Variants in QKI observed in about 807,000 individuals in gnomAD.
The protein encoded by QKI is KH domain-containing RNA-binding protein QKI.
In QKI, 10 loss-of-function variants were observed where a neutral mutation model predicts 39.0. That is an observed-to-expected ratio of 0.26 (90% CI 0.16 to 0.43). The LOEUF is 0.43. Ranked by LOEUF, QKI falls within the 20% of genes least tolerant of loss-of-function variation. QKI has a pLI of 1.00. For synonymous variants in QKI, 204 were observed against 155.4 expected (o/e 1.31, Z -2.33); for missense variants, 218 against 428.0 (o/e 0.51, Z 4.33).
At chr6:163,430,238 C>T (rs1002608868) in intron 1 of QKI, among the ~76,000 whole-genome samples, 7 of 152,104 alleles carry the variant, frequency 4.6e-5, no homozygotes, top group African/African-American at 9.7e-5. Flanking sequence ...TTTCTTATCT[C>T]TATCCTGTAC....
intron 7 of QKI, 53 bp downstream of exon 7, chr6:163,566,848 A>G: frequency 6.3e-7 from 1 of 1,596,002 alleles, no homozygotes; most frequent in Admixed American, 1.7e-5. Context: ...GGTGTCCATA[A>G]AATTTGCAAC....
chr6:163,567,383 T>G, intron 7 of QKI: 1 of 914,432 alleles, frequency 1.1e-6, no homozygotes, highest in Non-Finnish European at 1.3e-6. Context: ...TTATATAAAT[T>G]AGAGCGTCAA....
intron 3 of QKI, among the ~76,000 whole-genome samples, chr6:163,528,288 T>C (rs1323384319): frequency 6.6e-6 from 1 of 152,148 alleles, no homozygotes; most frequent in Non-Finnish European, 1.5e-5. Flanking sequence ...GGTAAAAAGG[T>C]AAAGTAAAAA....
chr6:163,507,131 A>G (rs1334794308), intron 3 of QKI, among the ~76,000 whole-genome samples: 2 of 152,202 alleles, frequency 1.3e-5, no homozygotes, highest in East Asian at 1.9e-4. Context: ...AATACAGCCT[A>G]AAAGTTATGC....
At chr6:163,489,079 A>G (rs1040685913) in intron 3 of QKI, among the ~76,000 whole-genome samples, 39 of 147,048 alleles carry the variant, frequency 2.7e-4, no homozygotes, top group African/African-American at 9.2e-4. Flanking sequence ...AGCACTTTTT[A>G]ATACCTTTAT....
rs1783817480 is a variant in QKI, at chr6:163,573,501, C to A, written c.*2791C>A. ...ACAAGTTTATAATGTATTTTTCTAT[C>A]TTGTTTTATATGTATGTTATATAAC... is the stretch of plus-strand genomic sequence containing the variant. On this transcript the variant is annotated 3_prime_UTR_variant, in exon 8 of 8. Coordinates refer to ENST00000361752, the MANE Select transcript of QKI (RefSeq NM_006775.3). The A allele has an allele frequency of 6.6e-6, 1 of 152,016 alleles. No homozygotes were observed. The highest frequency in any genetic ancestry group is 6.6e-5 in the Admixed American group (1 of 15,260). The allele number at this position is 152,016 out of a possible 1,614,324, so 9.4% of individuals were successfully genotyped here. A position where few individuals can be genotyped will look rare whatever the true frequency, so the allele number is the denominator to read the frequency against.
At chr6:163,437,273 A>G (rs1286153686) in intron 1 of QKI, among the ~76,000 whole-genome samples, 2 of 152,252 alleles carry the variant, frequency 1.3e-5, no homozygotes, top group Admixed American at 6.5e-5. Context: ...CTATATATGT[A>G]TATAATTTAA....
At chr6:163,558,681 G>GA (rs771129286) in intron 4 of QKI, among the ~76,000 whole-genome samples, 3 of 152,066 alleles carry the variant, frequency 2.0e-5, no homozygotes, top group Non-Finnish European at 2.9e-5. Context: ...TTACAGGCGT[G>GA]AGCCACCACA....
intron 1 of QKI, among the ~76,000 whole-genome samples, chr6:163,416,146 G>T (rs997063648): frequency 3.3e-5 from 5 of 151,868 alleles, no homozygotes; most frequent in Non-Finnish European, 7.4e-5. Flanking sequence ...TTGCTCCCGG[G>T]GACGCAGCCG....
intron 3 of QKI, among the ~76,000 whole-genome samples, chr6:163,519,235 C>T (rs1479187643): frequency 6.6e-6 from 1 of 152,104 alleles, no homozygotes; most frequent in African/African-American, 2.4e-5. Context: ...TCCTAACCTT[C>T]AGTAGCACAT....
At chr6:163,446,930 T>G in intron 1 of QKI, among the ~76,000 whole-genome samples, 1 of 152,210 alleles carries the variant, frequency 6.6e-6, no homozygotes, top group South Asian at 2.1e-4. Flanking sequence ...AACTGTGTTC[T>G]GTTAAAATGG....
At chr6:163,550,853 A>G (rs1452714968) in intron 4 of QKI, among the ~76,000 whole-genome samples, 8 of 151,618 alleles carry the variant, frequency 5.3e-5, no homozygotes, top group Non-Finnish European at 7.4e-5. Context: ...AGGCTGAGGC[A>G]GGAGAATGGC....
chr6:163,419,578 A>T (rs998541642), intron 1 of QKI, among the ~76,000 whole-genome samples: 4 of 152,140 alleles, frequency 2.6e-5, no homozygotes, highest in African/African-American at 9.6e-5. Context: ...ACTTCTTTCC[A>T]TTATCTTTTC....
intron 7 of QKI, chr6:163,569,311 G>A: frequency 6.5e-6 from 7 of 1,069,000 alleles, no homozygotes; most frequent in Non-Finnish European, 8.0e-6. Context: ...GTCATATGAA[G>A]GTAAATCAGT....
intron 1 of QKI, among the ~76,000 whole-genome samples, chr6:163,441,156 T>C (rs1789735866): frequency 6.6e-6 from 1 of 152,168 alleles, no homozygotes; most frequent in South Asian, 2.1e-4. Flanking sequence ...TAAGCACATA[T>C]TTAGATGCCT....
chr6:163,426,996 G>T (rs1788456382), intron 1 of QKI, among the ~76,000 whole-genome samples: 1 of 152,074 alleles, frequency 6.6e-6, no homozygotes, highest in South Asian at 2.1e-4. Flanking sequence ...ACTGCTGCTT[G>T]CTTTCTGGGG....
At chr6:163,564,446 A>C in intron 6 of QKI, 2 of 1,405,334 alleles carry the variant, frequency 1.4e-6, no homozygotes, top group Non-Finnish European at 1.8e-6. Context: ...TTGTATTCTT[A>C]AGATTTTTCA....
At chr6:163,441,039 G>A (rs1238559984) in intron 1 of QKI, among the ~76,000 whole-genome samples, 1 of 152,010 alleles carries the variant, frequency 6.6e-6, no homozygotes, top group African/African-American at 2.4e-5. Flanking sequence ...ATGAATATAG[G>A]GTTTATGATA....
In QKI at chr6:163,568,709, C is replaced by T. The variant is rs960204793; in HGVS notation, c.1009+1914C>T. The T allele has an allele frequency of 1.5e-5, 15 of 985,136 alleles. No homozygotes were observed. In the African/African-American group the frequency reaches 2.4e-4, roughly 16 times the overall value. The allele number at this position is 985,136 out of a possible 1,614,324, so 61.0% of individuals were successfully genotyped here. On this transcript the variant is annotated intron_variant, in intron 7 of 7. Transcript: ENST00000361752. ...AATGCAAAAAAACTCAGCCCTTGGA[C>T]ATATAACCATGTAATTCTATATGAA...
Sources: gnomAD v4.1 joint callset for allele counts (sites outside exome capture counted in the v4.1 genomes callset) on GRCh38, gnomAD v4.1.1 for gene constraint, MANE v1.5 for transcripts, NCBI Gene and HGNC (gene_info 2026-07-23, HGNC 2026-07-21) for gene names.